HCRTR2: variants seen among roughly 807,000 people sequenced by gnomAD.
HCRTR2 encodes the protein orexin receptor type 2.
Under a neutral mutation model 49.0 loss-of-function variants are expected in HCRTR2, and 22 were observed. The ratio of observed to expected loss-of-function variants is 0.45; its 90% confidence interval spans 0.32 to 0.64. The LOEUF is 0.64. Among genes scored for constraint, HCRTR2 ranks in the 30% least tolerant of loss-of-function variants. The pLI is 0.04. For missense variants in HCRTR2, 491 were observed against 559.4 expected (o/e 0.88, Z 1.23); for synonymous variants, 236 against 205.3 (o/e 1.15, Z -1.28).
chr6:55,145,747 A>T (rs1167969719), intron 1 of HCRTR2, among the ~76,000 whole-genome samples: 1 of 151,580 alleles, frequency 6.6e-6, no homozygotes, highest in Admixed American at 6.6e-5. Flanking sequence ...CCTCCTTTAC[A>T]CTTTCTCCCC....
chr6:55,150,130 A>C (rs1427370058), intron 1 of HCRTR2, among the ~76,000 whole-genome samples: 2 of 151,944 alleles, frequency 1.3e-5, no homozygotes, highest in Admixed American at 6.6e-5. Context: ...CATACATTTA[A>C]TATTCTACAT....
chr6:55,258,600 T>A (rs1367399890), intron 3 of HCRTR2, among the ~76,000 whole-genome samples: 1 of 152,308 alleles, frequency 6.6e-6, no homozygotes, highest in East Asian at 1.9e-4. Flanking sequence ...ATATAAATAA[T>A]GTAAATACTT....
In HCRTR2 at chr6:55,227,424, C is replaced by T. The variant is rs558567412; in HGVS notation, c.224-21215C>T. Among the ~76,000 whole-genome samples the T allele has an allele frequency of 9.5e-4, 144 of 152,190 alleles. 1 individual carries two copies. The highest frequency in any genetic ancestry group is 3.3e-3 in the African/African-American group (138 of 41,536). The stretch of plus-strand genomic sequence containing the variant: ...AATTCTATTTCTTTTCCCTATCCCT[C>T]GAATGGGTGTATGTGTGTGTGTGTG... On this transcript the variant is annotated intron_variant, in intron 1 of 6. Coordinates refer to ENST00000370862, the MANE Select transcript of HCRTR2 (RefSeq NM_001384272.1).
At chr6:55,138,060 C>T (rs1231827767) in intron 1 of HCRTR2, among the ~76,000 whole-genome samples, 2 of 152,002 alleles carry the variant, frequency 1.3e-5, no homozygotes, top group African/African-American at 4.8e-5. Flanking sequence ...AGCAGTAGAG[C>T]TTATTTTATG....
At chr6:55,209,649 G>T (rs1421857809) in intron 1 of HCRTR2, among the ~76,000 whole-genome samples, 1 of 152,112 alleles carries the variant, frequency 6.6e-6, no homozygotes, top group Admixed American at 6.5e-5. Flanking sequence ...TCTTCCCAAT[G>T]TATTATACAT....
intron 1 of HCRTR2, among the ~76,000 whole-genome samples, chr6:55,165,744 AAT>A (rs56655240): frequency 4.0e-4 from 52 of 128,474 alleles, no homozygotes; most frequent in East Asian, 2.1e-3. Flanking sequence ...TAGTATACAG[AAT>A]ATATATATAT....
chr6:55,225,220 T>C (rs987763230), intron 1 of HCRTR2, among the ~76,000 whole-genome samples: 8 of 152,206 alleles, frequency 5.3e-5, no homozygotes, highest in African/African-American at 1.7e-4. Context: ...ATAGTGTTTA[T>C]TATTGGTCTA....
intron 1 of HCRTR2, among the ~76,000 whole-genome samples, chr6:55,227,132 AT>A (rs57950083): frequency 0.21 from 31,089 of 151,438 alleles, 3,312 homozygotes; most frequent in Non-Finnish European, 0.24. Flanking sequence ...GTATTCTATG[AT>A]TTTTTTTTAA....
intron 1 of HCRTR2, among the ~76,000 whole-genome samples, chr6:55,132,629 CGTT>C (rs1561981860): frequency 6.6e-6 from 1 of 151,696 alleles, no homozygotes; most frequent in Non-Finnish European, 1.5e-5. Context: ...GTAGGACATA[CGTT>C]TCAGATTGAG....
At chr6:55,248,577 T>G in intron 1 of HCRTR2, 62 bp from the exon 2 acceptor site, 1 of 1,273,712 alleles carries the variant, frequency 7.9e-7, no homozygotes, top group Non-Finnish European at 1.1e-6. Context: ...ATACTGACAG[T>G]GTTTCCTCAC....
chr6:55,259,012 C>A (rs987755547), intron 3 of HCRTR2, among the ~76,000 whole-genome samples: 20 of 152,150 alleles, frequency 1.3e-4, no homozygotes, highest in Admixed American at 2.0e-4. Context: ...GATCATGGCA[C>A]TGCACTCCAG....
At position 55,164,338 on chromosome 6, in the gene HCRTR2, G is replaced by A. The variant is rs142460795; in HGVS notation, c.-377-9873G>A. ...ACACATGCACATGTATGTTTATTGTGGCACTATTAACAATAGCAAAGACTT... is the reference window on the plus strand; with the variant it reads ...ACACATGCACATGTATGTTTATTGTAGCACTATTAACAATAGCAAAGACTT... On this transcript the variant is annotated intron_variant, in intron 1 of 7. Coordinates refer to the HCRTR2 transcript ENST00000615358. Among the ~76,000 whole-genome samples the A allele has an allele frequency of 7.8e-3, 1,193 of 152,144 alleles. 5 individuals carry two copies. The highest frequency in any genetic ancestry group is 0.051 in the Middle Eastern group (15 of 294).
chr6:55,258,384 A>G (rs1481969959), intron 3 of HCRTR2, among the ~76,000 whole-genome samples: 1 of 152,158 alleles, frequency 6.6e-6, no homozygotes. Context: ...CTATCAAATA[A>G]CTTTTGGAAA....
At chr6:55,217,980 A>G (rs576527558) in intron 1 of HCRTR2, among the ~76,000 whole-genome samples, 1 of 152,326 alleles carries the variant, frequency 6.6e-6, no homozygotes, top group African/African-American at 2.4e-5. Context: ...TCACACAGTT[A>G]TGGAGACTGA....
At chr6:55,235,191 G>T (rs62416793) in intron 1 of HCRTR2, among the ~76,000 whole-genome samples, 26,808 of 152,050 alleles carry the variant, frequency 0.18, 2,799 homozygotes, top group Non-Finnish European at 0.24. Context: ...TGTTGTTGGA[G>T]AGGAAATAGG....
rs577545873 is a variant in HCRTR2, at chr6:55,160,501, G to A, written c.-377-13710G>A. ...ACACATAACGATATTAACCTTAAATGTAATAGGCTAACTGCCCCAATTAAG... is the reference window on the plus strand; with the variant it reads ...ACACATAACGATATTAACCTTAAATATAATAGGCTAACTGCCCCAATTAAG... On this transcript the variant is annotated intron_variant, in intron 1 of 7. Coordinates refer to the HCRTR2 transcript ENST00000615358. Among the ~76,000 whole-genome samples the A allele has an allele frequency of 3.9e-5, 6 of 152,254 alleles. No homozygotes were observed. The East Asian group carries it at 7.7e-4, about 20-fold the overall frequency.
rs1312600132 is a variant in HCRTR2, at chr6:55,190,750, AT to A, written c.223+15941del. ...ATCTTAAAAAGGATTACTTTGAACA[AT>A]GCATTTAAACATCCAGAAAACAAAA... On this transcript the variant is annotated intron_variant, in intron 1 of 6. Coordinates refer to ENST00000370862, the MANE Select transcript of HCRTR2 (RefSeq NM_001384272.1). Among the ~76,000 whole-genome samples the A allele has an allele frequency of 3.3e-5, 5 of 152,306 alleles. No individual in the cohort carries two copies. The East Asian group carries it at 9.7e-4, about 29-fold the overall frequency.
intron 1 of HCRTR2, among the ~76,000 whole-genome samples, chr6:55,238,435 C>A (rs1046905811): frequency 6.6e-6 from 1 of 152,132 alleles, no homozygotes; most frequent in Non-Finnish European, 1.5e-5. Flanking sequence ...CCTAAGTAAT[C>A]TTTGAAAAAT....
intron 1 of HCRTR2, among the ~76,000 whole-genome samples, chr6:55,178,349 C>T (rs989900869): frequency 1.1e-4 from 16 of 152,008 alleles, no homozygotes; most frequent in African/African-American, 3.9e-4. Flanking sequence ...ATCAGTCTAG[C>T]TATGCTTCTT....
Sources: gnomAD v4.1 joint callset for allele counts (sites outside exome capture counted in the v4.1 genomes callset) on GRCh38, gnomAD v4.1.1 for gene constraint, MANE v1.5 for transcripts, NCBI Gene and HGNC (gene_info 2026-07-23, HGNC 2026-07-21) for gene names.